The following IGSF21 variants were observed in gnomAD, a reference collection of about 807,000 sequenced individuals.
The protein encoded by IGSF21 is immunoglobin superfamily member 21.
In IGSF21, 28 loss-of-function variants were observed where a neutral mutation model predicts 46.8. That is an observed-to-expected ratio of 0.60 (90% confidence interval 0.44 to 0.82). The LOEUF is 0.82. Among genes scored for constraint, IGSF21 ranks in the 40% least tolerant of loss-of-function variants. The pLI, the probability that IGSF21 is intolerant of heterozygous loss-of-function variation, is 0.00. For missense variants in IGSF21, 624 were observed against 665.5 expected (o/e 0.94, Z 0.69); for synonymous variants, 284 against 273.6 (o/e 1.04, Z -0.38).
At chr1:18,283,453 C>A (rs1054446321) in intron 2 of IGSF21, among the ~76,000 whole-genome samples, 6 of 152,196 alleles carry the variant, frequency 3.9e-5, no homozygotes, top group Non-Finnish European at 8.8e-5. Flanking sequence ...TCTGAGGCTG[C>A]TTCTCTGGCC....
intron 2 of IGSF21, among the ~76,000 whole-genome samples, chr1:18,276,290 A>T (rs1039397780): frequency 6.6e-6 from 1 of 152,174 alleles, no homozygotes; most frequent in African/African-American, 2.4e-5. Context: ...TCTGGTCTGC[A>T]GGGGTCAAGG....
chr1:18,199,036 C>T (rs1045802683), intron 1 of IGSF21, among the ~76,000 whole-genome samples: 2 of 152,084 alleles, frequency 1.3e-5, no homozygotes, highest in African/African-American at 2.4e-5. Flanking sequence ...CCTTCCCCAG[C>T]GGGCCTTGGA....
In IGSF21 at chr1:18,365,755, C is replaced by G. The variant is rs2086158997; in HGVS notation, c.1015+58C>G. 2.8e-6 allele frequency: 4 copies of G among 1,433,906 alleles called. No homozygotes were observed. Among genetic ancestry groups the G allele is most frequent in the East Asian group, 2.4e-5 (1 of 42,522 alleles). 88.8% of individuals were successfully genotyped at this position (1,433,906 alleles called of 1,614,324 possible). A position where few individuals can be genotyped will look rare whatever the true frequency, so the allele number is the denominator to read the frequency against. On this transcript the variant is annotated intron_variant, in intron 6 of 9. Transcript: ENST00000251296. This position sits in a 1 kb window ranked among gnomAD's most constrained non-coding sequence, Gnocchi z 4.8. ...CTTGCAGACCTGGGTGTGGGGAGAG[C>G]CTTGGAATAGGGTTCCTGGGCTGAG...
Position 18,322,232 on chromosome 1 carries a change from C to T in IGSF21, c.306-12660C>T, listed in dbSNP as rs2085609606. 6.6e-6 allele frequency among the ~76,000 whole-genome samples: 1 copy of T among 152,144 alleles called. No individual in the cohort carries two copies. The highest frequency in any genetic ancestry group is 6.5e-5 in the Admixed American group (1 of 15,274). On this transcript the variant is annotated intron_variant, in intron 3 of 9. Coordinates refer to ENST00000251296, the MANE Select transcript of IGSF21 (RefSeq NM_032880.5). This position sits in a 1 kb window ranked among gnomAD's most constrained non-coding sequence, Gnocchi z 4.3. ...GAGGCCTGCATCGGCTCCTGGAACT[C>T]AAGGGCGAGGGACCTGATGCTGACC...
At chr1:18,117,386 G>T in intron 1 of IGSF21, among the ~76,000 whole-genome samples, 1 of 152,172 alleles carries the variant, frequency 6.6e-6, no homozygotes, top group East Asian at 1.9e-4. Flanking sequence ...CGGTCCTGGG[G>T]AGAAGCTTCT....
At chr1:18,369,796 C>T (rs976135951) in intron 6 of IGSF21, among the ~76,000 whole-genome samples, 3 of 152,198 alleles carry the variant, frequency 2.0e-5, no homozygotes, top group African/African-American at 7.2e-5. Flanking sequence ...AATGCCACCC[C>T]TCCAGGAAGA....
chr1:18,330,743 C>T (rs965999019), intron 3 of IGSF21, among the ~76,000 whole-genome samples: 1 of 152,104 alleles, frequency 6.6e-6, no homozygotes, highest in African/African-American at 2.4e-5. Context: ...GATGATGATT[C>T]TTATCTCTCT....
rs111721151 is a variant in IGSF21, at chr1:18,225,062, A to ATCTCTCTCTCTCTCTCTCTCTCTC, written c.71-2835_71-2812dup. On this transcript the variant is annotated intron_variant, in intron 1 of 9. Transcript: ENST00000251296. Reference sequence around the variant, plus strand: ...CCTGGATGACAGAGTGAGACTCTGTATCTCTCTCTCTCTCTCTCTCTCTCA... The same window carrying ATCTCTCTCTCTCTCTCTCTCTCTC: ...CCTGGATGACAGAGTGAGACTCTGTATCTCTCTCTCTCTCTCTCTCTCTCTCTCTCTCTCTCTCTCTCTCTCTCA... 7.8e-5 allele frequency among the ~76,000 whole-genome samples: 5 copies of ATCTCTCTCTCTCTCTCTCTCTCTC among 63,806 alleles called. 1 individual carries two copies. Among genetic ancestry groups the ATCTCTCTCTCTCTCTCTCTCTCTC allele is most frequent in the South Asian group, 6.3e-4 (1 of 1,592 alleles). The allele number at this position is 63,806 out of a possible 152,430, so 41.9% of individuals were successfully genotyped here. A position where few individuals can be genotyped will look rare whatever the true frequency, so the allele number is the denominator to read the frequency against.
At chr1:18,280,414 C>T (rs2085147961) in intron 2 of IGSF21, among the ~76,000 whole-genome samples, 1 of 152,160 alleles carries the variant, frequency 6.6e-6, no homozygotes, top group South Asian at 2.1e-4. Context: ...GCTGATCACT[C>T]TCCTGTTTGA....
intron 2 of IGSF21, among the ~76,000 whole-genome samples, chr1:18,255,664 A>G (rs1366281493): frequency 1.3e-5 from 2 of 151,862 alleles, no homozygotes; most frequent in East Asian, 3.9e-4. Context: ...TGCATCTTAC[A>G]CCTGCTCACA....
intron 1 of IGSF21, among the ~76,000 whole-genome samples, chr1:18,189,317 A>C (rs2086933227): frequency 6.6e-6 from 1 of 152,160 alleles, no homozygotes; most frequent in Non-Finnish European, 1.5e-5. Flanking sequence ...CTCCCAGCTC[A>C]CTTAGTAATC....
At chr1:18,371,526 T>C (rs1379532243) in intron 6 of IGSF21, among the ~76,000 whole-genome samples, 1 of 150,648 alleles carries the variant, frequency 6.6e-6, no homozygotes, top group East Asian at 1.9e-4. Flanking sequence ...GAGCTGAGAT[T>C]GCGCCACTGC....
In IGSF21 at chr1:18,140,223, C is replaced by T. The variant is rs77488054; in HGVS notation, c.70+32025C>T. Reference sequence around the variant, plus strand: ...TCGGCATCCCAGAGTGCTGGAATCACGCAGCTTCCTTGCTGTTGGTGTTGA... The same window carrying T: ...TCGGCATCCCAGAGTGCTGGAATCATGCAGCTTCCTTGCTGTTGGTGTTGA... On this transcript the variant is annotated intron_variant, in intron 1 of 9. Coordinates refer to ENST00000251296, the MANE Select transcript of IGSF21 (RefSeq NM_032880.5). 4.1e-4 allele frequency among the ~76,000 whole-genome samples: 63 copies of T among 152,300 alleles called. 1 individual carries two copies. The highest frequency in any genetic ancestry group is 6.8e-3 in the Middle Eastern group (2 of 294).
intron 1 of IGSF21, among the ~76,000 whole-genome samples, chr1:18,209,463 T>TG (rs1380267252): frequency 6.9e-6 from 1 of 144,640 alleles, no homozygotes; most frequent in African/African-American, 2.5e-5. Context: ...TCTTTCTTTC[T>TG]TTTTTTTTTT....
chr1:18,332,527 A>C (rs2085724309), intron 3 of IGSF21, among the ~76,000 whole-genome samples: 1 of 148,340 alleles, frequency 6.7e-6, no homozygotes, highest in Non-Finnish European at 1.5e-5. Flanking sequence ...AAAATATGTC[A>C]CTCCAGGTGA....
intron 1 of IGSF21, among the ~76,000 whole-genome samples, chr1:18,118,900 T>TTCCC (rs1168588944): frequency 6.0e-5 from 9 of 149,170 alleles, no homozygotes; most frequent in Admixed American, 1.3e-4. Flanking sequence ...CTTTCTTTCC[T>TTCCC]TCCCTCCCTC....
chr1:18,329,939 A>G (rs2085696194), intron 3 of IGSF21, among the ~76,000 whole-genome samples: 1 of 152,134 alleles, frequency 6.6e-6, no homozygotes, highest in Non-Finnish European at 1.5e-5. Flanking sequence ...GCTTTTCAAA[A>G]ACACAATTAC....
intron 4 of IGSF21, among the ~76,000 whole-genome samples, chr1:18,336,075 G>A (rs2085763007): frequency 1.3e-5 from 2 of 152,224 alleles, no homozygotes; most frequent in African/African-American, 4.8e-5. Flanking sequence ...AGTCTGATGA[G>A]AGACATGTAC....
At chr1:18,261,245 G>A (rs1370347439) in intron 2 of IGSF21, among the ~76,000 whole-genome samples, 1 of 152,178 alleles carries the variant, frequency 6.6e-6, no homozygotes, top group African/African-American at 2.4e-5. Context: ...CCTATAAAAT[G>A]TTTTCCAGAA....
Sources: allele counts gnomAD v4.1 joint callset (sites outside exome capture counted in the v4.1 genomes callset), GRCh38; gene constraint gnomAD v4.1.1; non-coding constraint Gnocchi (gnomAD v3.1); transcripts MANE v1.5; gene names NCBI Gene and HGNC (gene_info 2026-07-23, HGNC 2026-07-21).